GNAL: variants seen among roughly 807,000 people sequenced by gnomAD.
GNAL encodes guanine nucleotide-binding protein G(olf) subunit alpha.
GNAL carries 18 observed loss-of-function variants against 55.1 expected under a neutral mutation model. The ratio of observed to expected loss-of-function variants is 0.33; its 90% CI spans 0.23 to 0.48. The LOEUF (loss-of-function observed/expected upper bound fraction) is 0.48, where lower values mean the gene tolerates loss of function less well. Ranked by LOEUF, GNAL falls within the 20% of genes least tolerant of loss-of-function variation. The pLI, the probability that GNAL is intolerant of heterozygous loss-of-function variation, is 0.99. For missense variants in GNAL, 412 were observed against 614.1 expected (o/e 0.67, Z 3.48); for synonymous variants, 253 against 237.0 (o/e 1.07, Z -0.62).
chr18:11,813,610 C>G (rs986714341), intron 4 of GNAL, among the ~76,000 whole-genome samples: 4 of 152,166 alleles, frequency 2.6e-5, no homozygotes, highest in African/African-American at 4.8e-5. Flanking sequence ...TGAAGACTTA[C>G]TAGAAAGCCA....
chr18:11,800,008 C>T (rs1221500790), intron 4 of GNAL, among the ~76,000 whole-genome samples: 1 of 152,092 alleles, frequency 6.6e-6, no homozygotes, highest in East Asian at 1.9e-4. Context: ...CCTTTACTGG[C>T]CATGAAACTA....
chr18:11,770,316 CAAT>C lies in GNAL; in HGVS notation c.624+16372_624+16374del, dbSNP rs2033593621. On this transcript the variant is annotated intron_variant, in intron 4 of 11. Transcript: ENST00000334049. ...ATATTACCAAATATTAAACTTACCT[CAAT>C]GATTATTCTTCAGAAACATCTGAAA... Among the ~76,000 whole-genome samples the C allele has an allele frequency of 3.3e-5, 5 of 152,212 alleles. No individual in the cohort carries two copies. In the South Asian group the frequency reaches 1.0e-3, roughly 32 times the overall value.
At chr18:11,844,923 T>C (rs1344697689) in intron 5 of GNAL, among the ~76,000 whole-genome samples, 3 of 152,200 alleles carry the variant, frequency 2.0e-5, no homozygotes, top group African/African-American at 2.4e-5. Flanking sequence ...TGGAGTGCAA[T>C]GATGTGATCT....
chr18:11,819,629 T>A (rs1368617202), intron 4 of GNAL, among the ~76,000 whole-genome samples: 1 of 152,124 alleles, frequency 6.6e-6, no homozygotes, highest in Admixed American at 6.5e-5. Flanking sequence ...ATTTTCTTTT[T>A]ATGCTTTCAG....
intron 1 of GNAL, among the ~76,000 whole-genome samples, chr18:11,734,112 G>A (rs1000692646): frequency 3.2e-4 from 48 of 151,532 alleles, no homozygotes; most frequent in African/African-American, 1.1e-3. Context: ...GGAACTGGGG[G>A]TTAGGGAAGA....
chr18:11,846,609 G>A (rs944956156), intron 5 of GNAL, among the ~76,000 whole-genome samples: 3 of 151,806 alleles, frequency 2.0e-5, no homozygotes, highest in Non-Finnish European at 4.4e-5. Flanking sequence ...TGGGACTACA[G>A]GCACATGCTA....
intron 1 of GNAL, among the ~76,000 whole-genome samples, chr18:11,719,084 G>A (rs1208066623): frequency 1.3e-5 from 2 of 151,972 alleles, no homozygotes; most frequent in Non-Finnish European, 2.9e-5. Flanking sequence ...TGGTGGGGAC[G>A]GATAGAGCTA....
intron 11 of GNAL, among the ~76,000 whole-genome samples, 191 bp downstream of exon 11, chr18:11,876,879 T>TCA (rs2036544403): frequency 6.6e-6 from 1 of 152,176 alleles, no homozygotes; most frequent in African/African-American, 2.4e-5. Context: ...TCACCCAAGG[T>TCA]CACACAGCTT....
chr18:11,761,263 C>G (rs1363087810), intron 4 of GNAL, among the ~76,000 whole-genome samples: 2 of 152,216 alleles, frequency 1.3e-5, no homozygotes, highest in Non-Finnish European at 2.9e-5. Context: ...AGCTGACATG[C>G]CTAACACTTC....
chr18:11,788,897 G>GAAAAAA (rs1162398867), intron 4 of GNAL, among the ~76,000 whole-genome samples: 65 of 82,506 alleles, frequency 7.9e-4, no homozygotes, highest in Middle Eastern at 8.5e-3. Context: ...ACTCCGTCTC[G>GAAAAAA]AAAAAAAAAA....
At chr18:11,860,994 C>T (rs1420181076) in intron 5 of GNAL, among the ~76,000 whole-genome samples, 1 of 152,200 alleles carries the variant, frequency 6.6e-6, no homozygotes, top group African/African-American at 2.4e-5. Flanking sequence ...CCCTCTTGCC[C>T]ACACTGAGGT....
intron 4 of GNAL, among the ~76,000 whole-genome samples, chr18:11,762,389 A>G (rs2033272238): frequency 6.6e-6 from 1 of 152,160 alleles, no homozygotes; most frequent in South Asian, 2.1e-4. Flanking sequence ...TACACATATT[A>G]TCCATCTTGT....
intron 1 of GNAL, among the ~76,000 whole-genome samples, chr18:11,740,703 C>T (rs776035287): frequency 6.6e-5 from 10 of 152,200 alleles, no homozygotes; most frequent in Non-Finnish European, 1.0e-4. Context: ...TCTTCATTTG[C>T]TCAACCATAC....
chr18:11,849,888 T>C (rs1348099523), intron 5 of GNAL, among the ~76,000 whole-genome samples: 2 of 152,100 alleles, frequency 1.3e-5, no homozygotes, highest in East Asian at 1.9e-4. Flanking sequence ...CTGGGCTCCA[T>C]GGAGAGGGGA....
intron 4 of GNAL, among the ~76,000 whole-genome samples, chr18:11,793,759 A>G (rs1335555619): frequency 1.3e-5 from 2 of 151,750 alleles, no homozygotes; most frequent in African/African-American, 4.8e-5. Flanking sequence ...CTGTGCCTCT[A>G]CTAAAAATAA....
At position 11,868,365 on chromosome 18, in the gene GNAL, A is replaced by G. The variant is rs985696679; in HGVS notation, c.911-178A>G. Among the ~76,000 whole-genome samples the G allele has an allele frequency of 6.6e-6, 1 of 151,924 alleles. No individual in the cohort carries two copies. The highest frequency in any genetic ancestry group is 2.4e-5 in the African/African-American group (1 of 41,374). On this transcript the variant is annotated intron_variant, in intron 8 of 11. Coordinates refer to ENST00000334049, the MANE Select transcript of GNAL (RefSeq NM_182978.4). The surrounding 1 kb of genome is among the most constrained non-coding windows in gnomAD (Gnocchi z 4.0). ...GTCTTTTGGGGTGGGCTCTTCATCA[A>G]GTGCGTTACTGAAGCAACCAGTGGT...
At position 11,880,129 on chromosome 18, in the gene GNAL, C is replaced by T. The variant is rs559329982; in HGVS notation, c.1231-860C>T. Reference sequence around the variant, plus strand: ...AAAAGTAGCCAGGCGTGGTGGCGCACGCCTGTAATCCCAGCTACTCAGGAG... The same window carrying T: ...AAAAGTAGCCAGGCGTGGTGGCGCATGCCTGTAATCCCAGCTACTCAGGAG... On this transcript the variant is annotated intron_variant, in intron 11 of 11. Transcript: ENST00000334049. Among the ~76,000 whole-genome samples the T allele has an allele frequency of 6.3e-4, 92 of 146,676 alleles. 3 individuals are homozygous for T. The highest frequency in any genetic ancestry group is 1.6e-3 in the African/African-American group (64 of 40,448).
At chr18:11,720,520 G>T (rs1285906526) in intron 1 of GNAL, among the ~76,000 whole-genome samples, 3 of 152,218 alleles carry the variant, frequency 2.0e-5, no homozygotes, top group African/African-American at 7.2e-5. Flanking sequence ...GACAGATACT[G>T]CCAAATATGG....
chr18:11,729,753 G>A (rs914103987), intron 1 of GNAL, among the ~76,000 whole-genome samples: 1 of 152,172 alleles, frequency 6.6e-6, no homozygotes, highest in Admixed American at 6.5e-5. Flanking sequence ...TTAATAAAGA[G>A]GTTTATTCTG....
Sources: gnomAD v4.1 joint callset for allele counts (sites outside exome capture counted in the v4.1 genomes callset) on GRCh38, gnomAD v4.1.1 for gene constraint, Gnocchi (gnomAD v3.1) non-coding constraint, MANE v1.5 for transcripts, NCBI Gene and HGNC (gene_info 2026-07-23, HGNC 2026-07-21) for gene names.